XRCC1: variants seen among roughly 807,000 people sequenced by gnomAD.
XRCC1 encodes DNA repair protein XRCC1.
A neutral mutation model predicts 83.3 loss-of-function variants in XRCC1; 52 were observed. The ratio of observed to expected loss-of-function variants is 0.62; its 90% CI spans 0.50 to 0.79. The LOEUF is 0.79. Ranked by LOEUF, XRCC1 falls within the 30% of genes least tolerant of loss-of-function variation. XRCC1 has a pLI of 0.00. For synonymous variants in XRCC1, 281 were observed against 312.6 expected (o/e 0.90, Z 1.07); for missense variants, 793 against 823.5 (o/e 0.96, Z 0.45).
At chr19:43,571,491 C>T (rs1972806043) in intron 2 of XRCC1, among the ~76,000 whole-genome samples, 1 of 152,148 alleles carries the variant, frequency 6.6e-6, no homozygotes, top group Admixed American at 6.6e-5. Flanking sequence ...AACGTGAAAG[C>T]TCCACAAGAC....
chr19:43,574,118 C>T (rs1422691071), intron 2 of XRCC1, among the ~76,000 whole-genome samples: 2 of 152,016 alleles, frequency 1.3e-5, no homozygotes, highest in Non-Finnish European at 2.9e-5. Context: ...CTCTGGTGCC[C>T]AGGCTGGAGT....
rs1048751512 is a variant in XRCC1, at chr19:43,547,035, A to T, written c.1200-58T>A. The T allele has an allele frequency of 3.3e-6, 5 of 1,519,674 alleles. No individual in the cohort carries two copies. The African/African-American group carries it at 5.5e-5, about 17-fold the overall frequency. The allele number at this position is 1,519,674 out of a possible 1,614,324, so 94.1% of individuals were successfully genotyped here. On this transcript the variant is annotated intron_variant, in intron 10 of 16. Coordinates refer to ENST00000262887, the MANE Select transcript of XRCC1 (RefSeq NM_006297.3). ...CCCAAGGGAAGTGGGGAGGGCGTTC[A>T]GGAGGCAACAGCCATTGGCATTTAC...
In XRCC1 at chr19:43,546,103, CCTT is replaced by C; in HGVS notation, c.1427_1429del (p.Glu476del). 2 of 1,613,750 alleles carry C rather than the reference CCTT, an allele frequency of 1.2e-6. No homozygotes were observed. The highest frequency in any genetic ancestry group is 1.1e-5 in the South Asian group (1 of 91,070). On this transcript the variant is annotated inframe_deletion and splice_region_variant, in exon 13 of 17. Transcript: ENST00000262887. Reference sequence around the variant, plus strand: ...AGAATCTTCCGCCCCATTGTCCTGTCCTTCTGCAAGTAGAAGCTCAGTCAATGC... The same window carrying C: ...AGAATCTTCCGCCCCATTGTCCTGTCCTGCAAGTAGAAGCTCAGTCAATGC...
chr19:43,555,701 C>A (rs190006585), intron 3 of XRCC1, among the ~76,000 whole-genome samples: 2 of 152,110 alleles, frequency 1.3e-5, no homozygotes, highest in Non-Finnish European at 2.9e-5. Context: ...CTACTCCCTG[C>A]GGTTGCTTCT....
Position 43,552,019 on chromosome 19 carries a change from GA to G in XRCC1, c.1079del (p.Leu360ProfsTer15). On this transcript the variant is annotated frameshift_variant, in exon 9 of 17. Coordinates refer to ENST00000262887, the MANE Select transcript of XRCC1 (RefSeq NM_006297.3). LOFTEE classifies it high-confidence loss of function. ...CAGGGAGGGGGGCGCAAGCCTACAT[GA>G]GGTGCGTGCTGTCCCGGGTCCAGTC... ...RPDWTRDSTH[L>X]ICAFANTPKY... is the part of the protein sequence containing the mutation. 1 of 1,613,842 alleles carries G rather than the reference GA, an allele frequency of 6.2e-7. No homozygotes were observed. Among genetic ancestry groups the G allele is most frequent in the Non-Finnish European group, 8.5e-7 (1 of 1,179,802 alleles).
chr19:43,544,769 G>A (rs1001020021), intron 14 of XRCC1, among the ~76,000 whole-genome samples: 1 of 151,906 alleles, frequency 6.6e-6, no homozygotes, highest in Admixed American at 6.6e-5. Flanking sequence ...TCAGCCTCCT[G>A]AGTAGCCAGG....
chr19:43,544,193 G>A lies in XRCC1; in HGVS notation c.1663C>T (p.Pro555Ser), dbSNP rs1439642044. 6.2e-7 allele frequency: 1 copy of A among 1,611,256 alleles called. No individual in the cohort carries two copies. The highest frequency in any genetic ancestry group is 1.1e-5 in the South Asian group (1 of 90,264). ...GKHFFLYGEF[P>S]GDERRKLIRY... The stretch of plus-strand genomic sequence containing the variant: ...ATGAGTTTCCGCCGCTCGTCCCCAG[G>A]GAACTCCCCGTAAAGAAAGAAGTGC... Residue 555 changes from proline to serine, a missense_variant, in exon 15 of 17, where the codon CCT (proline) becomes TCT (serine). Pro to Ser is a moderately conservative substitution (Grantham distance 74, BLOSUM62 -1). Coordinates refer to ENST00000262887, the MANE Select transcript of XRCC1 (RefSeq NM_006297.3).
intron 14 of XRCC1, among the ~76,000 whole-genome samples, chr19:43,545,536 CT>C (rs1220918153): frequency 6.6e-6 from 1 of 152,092 alleles, no homozygotes; most frequent in African/African-American, 2.4e-5. Flanking sequence ...GCCCTCACCC[CT>C]GACGTGAAAA....
chr19:43,553,589 G>A lies in XRCC1; in HGVS notation c.489+20C>T. 3.7e-6 allele frequency: 6 copies of A among 1,611,482 alleles called. No individual in the cohort carries two copies. Among genetic ancestry groups the A allele is most frequent in the Non-Finnish European group, 5.1e-6 (6 of 1,177,886 alleles). On this transcript the variant is annotated intron_variant, in intron 5 of 16. Coordinates refer to ENST00000262887, the MANE Select transcript of XRCC1 (RefSeq NM_006297.3). ...GGAGAGGCAGGGAGAAGGCCATGGGGAGTGACAGGTACAGCTTACCTGGGA... is the reference window on the plus strand; with the variant it reads ...GGAGAGGCAGGGAGAAGGCCATGGGAAGTGACAGGTACAGCTTACCTGGGA...
intron 3 of XRCC1, among the ~76,000 whole-genome samples, chr19:43,556,685 G>A (rs1972639534): frequency 6.6e-6 from 1 of 152,030 alleles, no homozygotes; most frequent in Non-Finnish European, 1.5e-5. Flanking sequence ...GACGCCTGTT[G>A]TCCCAGCTAC....
At chr19:43,573,002 A>C (rs1389676594) in intron 2 of XRCC1, among the ~76,000 whole-genome samples, 1 of 142,122 alleles carries the variant, frequency 7.0e-6, no homozygotes, top group East Asian at 2.0e-4. Flanking sequence ...AAACCATCAC[A>C]GTTCACTGCA....
Position 43,545,957 on chromosome 19 carries a change from C to T in XRCC1, c.1482G>A (p.Arg494=). ...DSGDTEDELR[R]VAEQKEHRLP... ...GTCTGTGTTCCTTCTGCTCTGCCACCCTGGGGGTGCCAAGAGGAGTAGAGA... is the reference window on the plus strand; with the variant it reads ...GTCTGTGTTCCTTCTGCTCTGCCACTCTGGGGGTGCCAAGAGGAGTAGAGA... Residue 494 remains arginine, a splice_region_variant and synonymous_variant, in exon 14 of 17, where the codon AGG becomes AGA. Coordinates refer to ENST00000262887, the MANE Select transcript of XRCC1 (RefSeq NM_006297.3). 2 of 1,613,826 alleles carry T rather than the reference C, an allele frequency of 1.2e-6. No individual in the cohort carries two copies. The highest frequency in any genetic ancestry group is 1.7e-6 in the Non-Finnish European group (2 of 1,179,870).
chr19:43,567,808 A>G (rs1253939969), intron 2 of XRCC1, among the ~76,000 whole-genome samples: 1 of 151,914 alleles, frequency 6.6e-6, no homozygotes, highest in African/African-American at 2.4e-5. Flanking sequence ...CAAACATGGC[A>G]CAGGAAGGCA....
chr19:43,553,392 C>T lies in XRCC1; in HGVS notation c.601+9G>A, dbSNP rs758461238. The T allele has an allele frequency of 8.7e-6, 14 of 1,613,828 alleles. No individual in the cohort carries two copies. The East Asian group carries it at 1.3e-4, about 15-fold the overall frequency. On this transcript the variant is annotated intron_variant, in intron 6 of 16. Coordinates refer to ENST00000262887, the MANE Select transcript of XRCC1 (RefSeq NM_006297.3). ...CTACTCACTCAGGACCCACGTTGTC[C>T]GAGCTCACCTGGGGATGTCTTGTTG...
chr19:43,549,294 T>C (rs529720946), intron 10 of XRCC1, among the ~76,000 whole-genome samples: 2 of 152,264 alleles, frequency 1.3e-5, no homozygotes, highest in South Asian at 4.1e-4. Flanking sequence ...AGAGTCTCGC[T>C]CTGTCCCCAG....
intron 2 of XRCC1, among the ~76,000 whole-genome samples, chr19:43,567,948 C>G (rs552545501): frequency 6.7e-6 from 1 of 149,902 alleles, no homozygotes; most frequent in South Asian, 2.1e-4. Context: ...GATCTCGGCT[C>G]TCTGCAACCT....
intron 10 of XRCC1, among the ~76,000 whole-genome samples, chr19:43,550,095 T>A (rs1972560264): frequency 6.6e-6 from 1 of 152,020 alleles, no homozygotes; most frequent in African/African-American, 2.4e-5. Context: ...CTTCTGTGAC[T>A]CCCCTCTGCT....
At chr19:43,575,303 C>G in intron 1 of XRCC1, 105 bp downstream of exon 1, 1 of 1,264,964 alleles carries the variant, frequency 7.9e-7, no homozygotes, top group South Asian at 1.5e-5. Flanking sequence ...TGGAAATCCC[C>G]CCATGACTCT....
chr19:43,548,067 G>C (rs1045132767), intron 10 of XRCC1, among the ~76,000 whole-genome samples: 6 of 51,814 alleles, frequency 1.2e-4, no homozygotes, highest in African/African-American at 4.0e-4. Context: ...CGCCCCGTCG[G>C]GGGGGAGGTG....
Sources: gnomAD v4.1 joint callset for allele counts (sites outside exome capture counted in the v4.1 genomes callset) on GRCh38, gnomAD v4.1.1 for gene constraint, MANE v1.5 for transcripts, NCBI Gene and HGNC (gene_info 2026-07-23, HGNC 2026-07-21) for gene names.